The following ZFP69B variants were observed in gnomAD, a reference collection of about 807,000 sequenced individuals.
ZFP69B encodes the protein zinc finger protein 69 homolog B.
Under a neutral mutation model 19.7 loss-of-function variants are expected in ZFP69B, and 20 were observed. The ratio of observed to expected loss-of-function variants is 1.02; its 90% CI spans 0.71 to 1.48. The LOEUF (loss-of-function observed/expected upper bound fraction) is 1.48. Ranked by LOEUF, ZFP69B falls within the 40% of genes most tolerant of loss-of-function variation. The pLI is 0.00. For synonymous variants in ZFP69B, 220 were observed against 222.7 expected (o/e 0.99, Z 0.11); for missense variants, 583 against 632.6 (o/e 0.92, Z 0.84).
chr1:40,457,207 G>T, intron 3 of ZFP69B, 136 bp downstream of exon 3: 4 of 1,494,142 alleles, frequency 2.7e-6, no homozygotes, highest in Non-Finnish European at 3.7e-6. Flanking sequence ...AGTCAGGATT[G>T]CTATGCTCTT....
rs557687380 is a variant in ZFP69B at position 40,453,908 on chromosome 1, A to G, written c.128-295A>G. Reference sequence around the variant, plus strand: ...AATAATTAAAAAATAACAAAAAAGAAATCTATATTGAAGTGTTTGCATTTT... The same window carrying G: ...AATAATTAAAAAATAACAAAAAAGAGATCTATATTGAAGTGTTTGCATTTT... On this transcript the variant is annotated intron_variant, in intron 1 of 4. Coordinates refer to ENST00000361584, the MANE Select transcript of ZFP69B (RefSeq NM_023070.3). Among the ~76,000 whole-genome samples the G allele has an allele frequency of 3.0e-4, 45 of 152,220 alleles. 1 individual carries two copies. The highest frequency in any genetic ancestry group is 1.0e-3 in the African/African-American group (42 of 41,536).
chr1:40,457,182 TC>T, intron 3 of ZFP69B, 111 bp downstream of exon 3: 1 of 1,547,156 alleles, frequency 6.5e-7, no homozygotes, highest in Non-Finnish European at 8.8e-7. Flanking sequence ...GTTTTGTGTT[TC>T]CTTCTGAACA....
chr1:40,456,061 A>G (rs1377231376), intron 2 of ZFP69B, among the ~76,000 whole-genome samples: 1 of 152,214 alleles, frequency 6.6e-6, no homozygotes, highest in Non-Finnish European at 1.5e-5. Flanking sequence ...GTGCTGCAGT[A>G]AACATACGTG....
rs749953835 is a variant in ZFP69B at position 40,450,858 on chromosome 1, A to G, written c.-104A>G. The G allele has an allele frequency of 1.6e-4, 218 of 1,337,508 alleles. 1 individual carries two copies. Among genetic ancestry groups the G allele is most frequent in the Middle Eastern group, 5.7e-4 (2 of 3,538 alleles). The allele number at this position is 1,337,508 out of a possible 1,614,324, so 82.9% of individuals were successfully genotyped here. On this transcript the variant is annotated 5_prime_UTR_variant, in exon 1 of 5. Coordinates refer to ENST00000361584, the MANE Select transcript of ZFP69B (RefSeq NM_023070.3). ...GTCGGCGATTAAGGAGATCGGTACA[A>G]TTGGGAAGCCTCCTGTCAGAGCTTC... is the stretch of plus-strand genomic sequence containing the variant.
intron 4 of ZFP69B, among the ~76,000 whole-genome samples, chr1:40,458,308 T>C (rs1645252395): frequency 6.6e-6 from 1 of 151,740 alleles, no homozygotes; most frequent in South Asian, 2.1e-4. Context: ...TAATAATTTT[T>C]GTCTCCTCTA....
intron 1 of ZFP69B, among the ~76,000 whole-genome samples, chr1:40,453,826 TATGCCACTGCCCTCCAACCTGGGTG>T (rs1427861413): frequency 6.6e-6 from 1 of 151,650 alleles, no homozygotes; most frequent in Admixed American, 6.6e-5. Flanking sequence ...GAACCAAGAT[TATGCCACTGCCCTCCAACCTGGGTG>T]ACAGAGCAAT....
chr1:40,451,705 C>T (rs989619690), intron 1 of ZFP69B, among the ~76,000 whole-genome samples: 1 of 151,442 alleles, frequency 6.6e-6, no homozygotes, highest in Non-Finnish European at 1.5e-5. Context: ...TACACTGATT[C>T]CTTACTTTGA....
At chr1:40,459,678 T>G (rs1285792092) in intron 4 of ZFP69B, among the ~76,000 whole-genome samples, 1 of 152,228 alleles carries the variant, frequency 6.6e-6, no homozygotes, top group Non-Finnish European at 1.5e-5. Context: ...TACTGCCAGA[T>G]TTGACCACTT....
At chr1:40,460,871 C>T (rs1237709378) in intron 4 of ZFP69B, among the ~76,000 whole-genome samples, 1 of 150,944 alleles carries the variant, frequency 6.6e-6, no homozygotes, top group African/African-American at 2.4e-5. Flanking sequence ...GTCCCAGCTA[C>T]TTGGGAGGCT....
At chr1:40,452,741 A>G (rs543805387) in intron 1 of ZFP69B, among the ~76,000 whole-genome samples, 1 of 152,334 alleles carries the variant, frequency 6.6e-6, no homozygotes, top group African/African-American at 2.4e-5. Context: ...CATAGATTTA[A>G]TAAATAGTAC....
intron 4 of ZFP69B, among the ~76,000 whole-genome samples, chr1:40,461,680 A>G (rs935574394): frequency 1.3e-5 from 2 of 152,056 alleles, no homozygotes; most frequent in African/African-American, 4.8e-5. Flanking sequence ...CTGAAGTTCT[A>G]GCTACTTGGG....
In ZFP69B at chr1:40,463,122, C is replaced by G. The variant is rs1645307345; in HGVS notation, c.1138C>G (p.Gln380Glu). Residue 380 changes from glutamine (Q) to glutamate (E), a missense_variant, in exon 5 of 5, where the codon CAG (glutamine) becomes GAG (glutamate). Coordinates refer to ENST00000361584, the MANE Select transcript of ZFP69B (RefSeq NM_023070.3). The part of the protein sequence containing the change: ...KAFSQSIGLI[Q>E]HLRTHVREKP... ...CTTCAGCCAGAGCATTGGACTGATC[C>G]AGCATTTGAGAACTCATGTTAGAGA... 1 of 1,614,076 alleles carries G rather than the reference C, an allele frequency of 6.2e-7. No individual in the cohort carries two copies. Among genetic ancestry groups the G allele is most frequent in the Non-Finnish European group, 8.5e-7 (1 of 1,179,996 alleles).
In ZFP69B at chr1:40,463,226, T is replaced by C. The variant is rs763842698; in HGVS notation, c.1242T>C (p.Thr414=). 5.8e-5 allele frequency: 94 copies of C among 1,614,096 alleles called. No individual in the cohort carries two copies. The highest frequency in any genetic ancestry group is 7.5e-5 in the Non-Finnish European group (88 of 1,180,038). ...RHLRQHEIIH[T]GVKPYICNVC... ...TTAGGCAACATGAGATTATTCATAC[T>C]GGTGTGAAACCCTATATTTGTAATG... Residue 414 remains threonine (T), a synonymous_variant, in exon 5 of 5, where the codon ACT becomes ACC. Coordinates refer to ENST00000361584, the MANE Select transcript of ZFP69B (RefSeq NM_023070.3).
chr1:40,463,414 G>A lies in ZFP69B; in HGVS notation c.1430G>A (p.Cys477Tyr). 1.2e-6 allele frequency: 2 copies of A among 1,614,006 alleles called. No homozygotes were observed. The highest frequency in any genetic ancestry group is 1.3e-5 in the African/African-American group (1 of 75,044). ...RVHTGVKPYE[C>Y]SHCGKAFRHD... The stretch of plus-strand genomic sequence containing the variant: ...CATACTGGAGTAAAACCTTATGAAT[G>A]CAGTCATTGTGGGAAAGCCTTTAGG... The change falls in exon 5 of 5, where the codon TGC becomes TAC. Residue 477 changes from cysteine (C) to tyrosine (Y), a missense_variant. Physicochemically the swap from Cys to Tyr is radical, Grantham distance 194. Transcript: ENST00000361584.
chr1:40,460,709 G>A (rs1390125172), intron 4 of ZFP69B, among the ~76,000 whole-genome samples: 8 of 152,046 alleles, frequency 5.3e-5, no homozygotes, highest in Non-Finnish European at 7.4e-5. Flanking sequence ...GCAGCTGGGC[G>A]CAGTGGCTTA....
chr1:40,454,541 G>C (rs1386895060), intron 2 of ZFP69B, among the ~76,000 whole-genome samples: 1 of 152,128 alleles, frequency 6.6e-6, no homozygotes, highest in African/African-American at 2.4e-5. Flanking sequence ...TGGGACTACA[G>C]GTGCCCACCA....
Position 40,462,893 on chromosome 1 carries a change from G to A in ZFP69B, c.909G>A (p.Gly303=), listed in dbSNP as rs151064151. 171 of 1,614,100 alleles carry A rather than the reference G, an allele frequency of 1.1e-4. No homozygotes were observed. In the Middle Eastern group the frequency reaches 4.1e-3, roughly 39 times the overall value. Residue 303 remains glycine (G), a synonymous_variant, in exon 5 of 5, where the codon GGG becomes GGA. Coordinates refer to ENST00000361584, the MANE Select transcript of ZFP69B (RefSeq NM_023070.3). ...CTGAACACATGAGAATTCATACCGG[G>A]GAGAAACCTTTCAGATGTAAGGAAT... The part of the protein sequence containing the change: ...HLTEHMRIHT[G]EKPFRCKECG...
intron 4 of ZFP69B, 66 bp downstream of exon 4, chr1:40,457,505 A>C: frequency 7.3e-7 from 1 of 1,372,542 alleles, no homozygotes; most frequent in Non-Finnish European, 1.0e-6. Context: ...GCCTTCTCCA[A>C]GTTGTGGGGA....
rs375926428 is a variant in ZFP69B, at chr1:40,462,668, T to A, written c.684T>A (p.Phe228Leu). 3.7e-6 allele frequency: 6 copies of A among 1,614,030 alleles called. No individual in the cohort carries two copies. Among genetic ancestry groups the A allele is most frequent in the African/African-American group, 1.3e-5 (1 of 75,026 alleles). ...TQERGQESNR[F>L]EKRINVKSEV... is the part of the protein sequence containing the mutation. ...AGAGAGGCCAAGAGTCTAATAGATTTGAGAAAAGAATTAATGTGAAGTCAG... is the reference window on the plus strand; with the variant it reads ...AGAGAGGCCAAGAGTCTAATAGATTAGAGAAAAGAATTAATGTGAAGTCAG... Residue 228 changes from phenylalanine to leucine, a missense_variant, in exon 5 of 5, where the codon TTT becomes TTA. Transcript: ENST00000361584.
Sources: allele counts gnomAD v4.1 joint callset (sites outside exome capture counted in the v4.1 genomes callset), GRCh38; gene constraint gnomAD v4.1.1; transcripts MANE v1.5; gene names NCBI Gene and HGNC (gene_info 2026-07-23, HGNC 2026-07-21).